MRPL48: variants seen among roughly 807,000 people sequenced by gnomAD.
The protein encoded by MRPL48 is mitochondrial ribosomal protein L48.
Under a neutral mutation model 32.9 loss-of-function variants are expected in MRPL48, and 16 were observed. That is an observed-to-expected ratio of 0.49 (90% CI 0.33 to 0.74). MRPL48 has a LOEUF of 0.74. Ranked by LOEUF, MRPL48 falls within the 30% of genes least tolerant of loss-of-function variation. The pLI is 0.02. For synonymous variants in MRPL48, 94 were observed against 89.2 expected (o/e 1.05, Z -0.31); for missense variants, 206 against 245.3 (o/e 0.84, Z 1.07).
chr11:73,864,616 T>C lies in MRPL48; in HGVS notation c.*246T>C, dbSNP rs558002735. ...TGCTGCAGATGTGTATATGTATGTGTGTGTGAGAGAGAGAAATTGGCCCAT... is the reference window on the plus strand; with the variant it reads ...TGCTGCAGATGTGTATATGTATGTGCGTGTGAGAGAGAGAAATTGGCCCAT... On this transcript the variant is annotated 3_prime_UTR_variant, in exon 8 of 8. Coordinates refer to ENST00000310614, the MANE Select transcript of MRPL48 (RefSeq NM_016055.6). 17 of 506,560 alleles carry C rather than the reference T, an allele frequency of 3.4e-5. No individual in the cohort carries two copies. In the South Asian group the frequency reaches 4.2e-4, roughly 13 times the overall value. The allele number at this position is 506,560 out of a possible 1,614,324, so 31.4% of individuals were successfully genotyped here.
intron 1 of MRPL48, among the ~76,000 whole-genome samples, chr11:73,799,074 C>T (rs757676306): frequency 1.3e-5 from 2 of 151,480 alleles, no homozygotes; most frequent in Non-Finnish European, 2.9e-5. Flanking sequence ...GAATTTGAAG[C>T]TTCTGATAAA....
chr11:73,823,191 A>G, intron 3 of MRPL48: 1 of 235,556 alleles, frequency 4.2e-6, no homozygotes, highest in South Asian at 4.6e-5. Flanking sequence ...ACATCTGTGG[A>G]AAAATTGTCT....
chr11:73,799,218 G>A (rs1947313097), intron 1 of MRPL48, among the ~76,000 whole-genome samples: 1 of 151,986 alleles, frequency 6.6e-6, no homozygotes, highest in African/African-American at 2.4e-5. Flanking sequence ...CGAGTGTAGT[G>A]GCACACATCT....
intron 4 of MRPL48, among the ~76,000 whole-genome samples, chr11:73,830,029 T>C (rs1264500171): frequency 6.6e-6 from 1 of 152,168 alleles, no homozygotes; most frequent in Non-Finnish European, 1.5e-5. Flanking sequence ...CCCAAAGTAC[T>C]AGGATTACAG....
chr11:73,807,669 C>T (rs1348874319), intron 2 of MRPL48, among the ~76,000 whole-genome samples: 1 of 122,616 alleles, frequency 8.2e-6, no homozygotes, highest in Non-Finnish European at 1.6e-5. Context: ...TGGAGTTTCG[C>T]TCTTGTTGCC....
At chr11:73,847,590 G>A (rs1948317643) in intron 5 of MRPL48, among the ~76,000 whole-genome samples, 2 of 152,150 alleles carry the variant, frequency 1.3e-5, no homozygotes, top group African/African-American at 4.8e-5. Context: ...ACAGGCGCCT[G>A]CCACCATGCC....
At chr11:73,806,627 C>A (rs1014815449) in intron 2 of MRPL48, among the ~76,000 whole-genome samples, 1 of 152,116 alleles carries the variant, frequency 6.6e-6, no homozygotes, top group Non-Finnish European at 1.5e-5. Context: ...TATTCCTAGG[C>A]CTACGATGGT....
chr11:73,803,619 T>C (rs1947395562), intron 1 of MRPL48, among the ~76,000 whole-genome samples: 1 of 152,144 alleles, frequency 6.6e-6, no homozygotes, highest in East Asian at 1.9e-4. Context: ...TTCTCAGATT[T>C]TCCTTGTTTT....
intron 3 of MRPL48, among the ~76,000 whole-genome samples, chr11:73,809,430 G>A (rs1463186869): frequency 5.3e-5 from 8 of 151,356 alleles, no homozygotes; most frequent in Non-Finnish European, 8.8e-5. Context: ...TTTGAACCCC[G>A]GAGGCAGAGG....
At chr11:73,823,886 G>C (rs1947834760) in intron 3 of MRPL48, among the ~76,000 whole-genome samples, 1 of 150,972 alleles carries the variant, frequency 6.6e-6, no homozygotes, top group South Asian at 2.1e-4. Flanking sequence ...GACGGAGTCT[G>C]GGTCTGACAC....
chr11:73,859,001 CA>C (rs1948535374), intron 5 of MRPL48, among the ~76,000 whole-genome samples: 1 of 152,212 alleles, frequency 6.6e-6, no homozygotes. Flanking sequence ...AGTTGCCCCT[CA>C]GGGGGAAATT....
intron 5 of MRPL48, chr11:73,851,005 C>A: frequency 2.3e-6 from 1 of 441,406 alleles, no homozygotes; most frequent in Non-Finnish European, 4.5e-6. Context: ...TGACTCTGTT[C>A]CTACTGGCAA....
intron 1 of MRPL48, among the ~76,000 whole-genome samples, chr11:73,799,361 A>G (rs899115297): frequency 1.3e-5 from 2 of 152,206 alleles, no homozygotes; most frequent in African/African-American, 4.8e-5. Context: ...CAAAAACAAA[A>G]GAATTGGAAT....
In MRPL48 at chr11:73,831,073, CAG is replaced by C. The variant is rs200298416; in HGVS notation, c.201+5278_201+5279del. ...CAGGCTGGTCTCAAACTCCTGACCT[CAG>C]GTGATCCACCTACCTTGGCCTCCCT... On this transcript the variant is annotated intron_variant, in intron 4 of 7. Coordinates refer to ENST00000310614, the MANE Select transcript of MRPL48 (RefSeq NM_016055.6). Among the ~76,000 whole-genome samples the C allele has an allele frequency of 2.5e-3, 376 of 152,178 alleles. 6 individuals are homozygous for C. In the East Asian group the frequency reaches 0.049, roughly 20 times the overall value.
At chr11:73,826,660 G>A (rs939476083) in intron 4 of MRPL48, among the ~76,000 whole-genome samples, 8 of 151,922 alleles carry the variant, frequency 5.3e-5, no homozygotes, top group African/African-American at 1.7e-4. Context: ...TGTATTTCTA[G>A]TAGAGGTGGG....
chr11:73,857,551 A>C (rs968927454), intron 5 of MRPL48, among the ~76,000 whole-genome samples: 1 of 143,764 alleles, frequency 7.0e-6, no homozygotes, highest in African/African-American at 2.6e-5. Flanking sequence ...AAGTGCTCAC[A>C]TTATAGGTGG....
intron 3 of MRPL48, among the ~76,000 whole-genome samples, chr11:73,823,803 A>G (rs1947830720): frequency 6.6e-6 from 1 of 151,268 alleles, no homozygotes; most frequent in Admixed American, 6.6e-5. Flanking sequence ...GACTACAGAC[A>G]CATGCTACCA....
chr11:73,819,612 A>G (rs1339878288), intron 3 of MRPL48, among the ~76,000 whole-genome samples: 2 of 152,236 alleles, frequency 1.3e-5, no homozygotes, highest in Non-Finnish European at 2.9e-5. Context: ...TTGTCTTTAC[A>G]GTGCCTGGTA....
chr11:73,844,752 A>T lies in MRPL48; in HGVS notation c.202-55A>T, dbSNP rs1948255869. ...CTTTTTAAAATATCAAGATAGTATT[A>T]TTAGAATTTCTTGTATAATACTTTA... On this transcript the variant is annotated intron_variant, in intron 4 of 7. Coordinates refer to ENST00000310614, the MANE Select transcript of MRPL48 (RefSeq NM_016055.6). The T allele has an allele frequency of 1.6e-5, 24 of 1,529,778 alleles. 1 individual carries two copies. The South Asian group carries it at 3.0e-4, about 19-fold the overall frequency. The allele number at this position is 1,529,778 out of a possible 1,614,324, so 94.8% of individuals were successfully genotyped here.
Sources: gnomAD v4.1 joint callset for allele counts (sites outside exome capture counted in the v4.1 genomes callset) on GRCh38, gnomAD v4.1.1 for gene constraint, MANE v1.5 for transcripts, NCBI Gene and HGNC (gene_info 2026-07-23, HGNC 2026-07-21) for gene names.